Variants in ADAMTS3 observed in about 807,000 individuals in gnomAD.
The protein encoded by ADAMTS3 is ADAM metallopeptidase with thrombospondin type 1 motif 3.
A neutral mutation model predicts 129.0 loss-of-function variants in ADAMTS3; 73 were observed. That is an observed-to-expected ratio of 0.57 (90% CI 0.47 to 0.69). The LOEUF (loss-of-function observed/expected upper bound fraction) is 0.69. ADAMTS3 is among the 30% of genes least tolerant of loss of function. The pLI is 0.00. For synonymous variants in ADAMTS3, 477 were observed against 510.8 expected, an observed-to-expected ratio of 0.93 and a Z score of 0.89; for missense variants, 1,457 against 1,514.5, an observed-to-expected ratio of 0.96 and a Z score of 0.63.
In ADAMTS3 at chr4:72,488,073, C is replaced by T. The variant is rs540994912; in HGVS notation, c.504+60405G>A. Among the ~76,000 whole-genome samples, 16 of 152,144 alleles carry T rather than the reference C, an allele frequency of 1.1e-4. No individual in the cohort carries two copies. The East Asian group carries it at 2.7e-3, about 26-fold the overall frequency. ...TATTATTCAAGCCAGAAAAGTTACA[C>T]AATCAAGTCTTTTTTTATTTTTAAC... On this transcript the variant is annotated intron_variant, in intron 3 of 21. Coordinates refer to ENST00000286657, the MANE Select transcript of ADAMTS3 (RefSeq NM_014243.3).
intron 3 of ADAMTS3, among the ~76,000 whole-genome samples, chr4:72,449,976 TCTC>T (rs567859063): frequency 2.0e-3 from 305 of 151,846 alleles, no homozygotes; most frequent in Non-Finnish European, 3.5e-3. Context: ...CATTAAGACT[TCTC>T]CTAATCCCAC....
chr4:72,455,525 T>C (rs987631121), intron 3 of ADAMTS3, among the ~76,000 whole-genome samples: 13 of 150,414 alleles, frequency 8.6e-5, no homozygotes, highest in Non-Finnish European at 1.5e-5. Flanking sequence ...CTAATGTAGA[T>C]GATGGGTTGA....
At chr4:72,490,980 T>C (rs761279764) in intron 3 of ADAMTS3, among the ~76,000 whole-genome samples, 3 of 151,934 alleles carry the variant, frequency 2.0e-5, no homozygotes, top group Non-Finnish European at 2.9e-5. Flanking sequence ...TTTCCATTTG[T>C]CTTTAATTTC....
chr4:72,384,581 T>C (rs988336043), intron 4 of ADAMTS3, among the ~76,000 whole-genome samples: 1 of 152,146 alleles, frequency 6.6e-6, no homozygotes. Flanking sequence ...TATTGAAAAT[T>C]ACTTTCAAAA....
intron 3 of ADAMTS3, among the ~76,000 whole-genome samples, chr4:72,503,379 A>G (rs1474725219): frequency 6.6e-6 from 1 of 152,216 alleles, no homozygotes; most frequent in African/African-American, 2.4e-5. Context: ...TTCATTCAAA[A>G]GCAAGTTGTT....
intron 12 of ADAMTS3, 40 bp from the exon 13 acceptor site, chr4:72,312,506 T>C: frequency 1.3e-6 from 2 of 1,599,410 alleles, no homozygotes; most frequent in Non-Finnish European, 1.7e-6. Context: ...TTTTGGCTTC[T>C]GTCTAGCAGT....
rs1169890645 is a variant in ADAMTS3, at chr4:72,298,280, C to T, written c.2587G>A (p.Gly863Arg). Residue 863 changes from glycine (G) to arginine (R), a missense_variant, in exon 18 of 22, where the codon GGA becomes AGA. Physicochemically the swap from Gly to Arg is moderately radical, Grantham distance 125 (BLOSUM62 -2). Transcript: ENST00000286657. ...SWSQCSKPCG[G>R]GFQYTKYGCR... ...AATAAATGTGTTCAATGGTTACCTC[C>T]ACCACAGGGTTTGGAACACTGAGAC... The T allele has an allele frequency of 1.2e-6, 2 of 1,611,536 alleles. No homozygotes were observed. The highest frequency in any genetic ancestry group is 1.7e-6 in the Non-Finnish European group (2 of 1,178,516).
At chr4:72,299,022 T>C (rs1332731029) in intron 17 of ADAMTS3, among the ~76,000 whole-genome samples, 1 of 151,304 alleles carries the variant, frequency 6.6e-6, no homozygotes, top group African/African-American at 2.4e-5. Context: ...TCACTTTTAT[T>C]ATTGTGATAG....
chr4:72,342,320 T>C (rs1434915246), intron 4 of ADAMTS3, among the ~76,000 whole-genome samples: 1 of 151,968 alleles, frequency 6.6e-6, no homozygotes. Context: ...TGAACCGCTA[T>C]TGTTCCAGAG....
At chr4:72,425,722 C>T (rs1374802481) in intron 3 of ADAMTS3, among the ~76,000 whole-genome samples, 1 of 151,886 alleles carries the variant, frequency 6.6e-6, no homozygotes, top group African/African-American at 2.4e-5. Flanking sequence ...TTTTCTTAAT[C>T]CAGTCTATCA....
intron 3 of ADAMTS3, among the ~76,000 whole-genome samples, chr4:72,541,282 T>G (rs1408320078): frequency 6.6e-6 from 1 of 152,164 alleles, no homozygotes; most frequent in East Asian, 1.9e-4. Flanking sequence ...AGCCCCTTTG[T>G]TTTGGCCAGT....
At position 72,283,539 on chromosome 4, in the gene ADAMTS3, A is replaced by G; in HGVS notation, c.3215T>C (p.Val1072Ala). 6.2e-7 allele frequency: 1 copy of G among 1,614,092 alleles called. No individual in the cohort carries two copies. Among genetic ancestry groups the G allele is most frequent in the Non-Finnish European group, 8.5e-7 (1 of 1,179,972 alleles). The change falls in exon 22 of 22, where the codon GTC (valine) becomes GCC (alanine). Residue 1072 changes from valine (V) to alanine (A), a missense_variant. Transcript: ENST00000286657. ...AGGGAGGTCACTAGGGTTAGAGATG[A>G]CATCATCATGAGTTTCAGCAGCTTC... Reference protein sequence around the residue: ...LLEAAETHDDVISNPSDLPRS... With the variant: ...LLEAAETHDDAISNPSDLPRS...
intron 3 of ADAMTS3, among the ~76,000 whole-genome samples, chr4:72,497,125 T>G (rs1246081931): frequency 1.3e-5 from 2 of 151,894 alleles, no homozygotes; most frequent in Non-Finnish European, 2.9e-5. Flanking sequence ...AATAGAATAT[T>G]TTTTTCCTAT....
intron 10 of ADAMTS3, among the ~76,000 whole-genome samples, chr4:72,316,194 A>T (rs934676573): frequency 6.6e-6 from 1 of 152,018 alleles, no homozygotes; most frequent in African/African-American, 2.4e-5. Context: ...GATTTGTCTG[A>T]GATTATCTGG....
chr4:72,399,920 G>GTA (rs1721851131), intron 4 of ADAMTS3, among the ~76,000 whole-genome samples: 1 of 24,202 alleles, frequency 4.1e-5, no homozygotes, highest in African/African-American at 2.1e-4. Context: ...CACACGGTGT[G>GTA]TATATACGTG....
At chr4:72,404,226 C>T (rs959186478) in intron 4 of ADAMTS3, among the ~76,000 whole-genome samples, 12 of 151,886 alleles carry the variant, frequency 7.9e-5, no homozygotes, top group African/African-American at 2.9e-4. Flanking sequence ...ATCTTTACAA[C>T]AAAGAACAAA....
intron 3 of ADAMTS3, among the ~76,000 whole-genome samples, chr4:72,516,174 C>A (rs1720470591): frequency 6.6e-6 from 1 of 152,096 alleles, no homozygotes; most frequent in Admixed American, 6.5e-5. Flanking sequence ...TCTGAGGGCT[C>A]TGTTCTGTTC....
chr4:72,552,516 G>A (rs1214688046), intron 2 of ADAMTS3, among the ~76,000 whole-genome samples: 5 of 152,238 alleles, frequency 3.3e-5, no homozygotes, highest in African/African-American at 7.2e-5. Context: ...GCACAATTTC[G>A]AATGTGCTTC....
chr4:72,482,502 T>A (rs1214408941), intron 3 of ADAMTS3, among the ~76,000 whole-genome samples: 1 of 152,060 alleles, frequency 6.6e-6, no homozygotes, highest in Admixed American at 6.5e-5. Flanking sequence ...TTTTCAGAGC[T>A]TAAGGAAGAA....
Sources: allele counts gnomAD v4.1 joint callset (sites outside exome capture counted in the v4.1 genomes callset), GRCh38; gene constraint gnomAD v4.1.1; transcripts MANE v1.5; gene names NCBI Gene and HGNC (gene_info 2026-07-23, HGNC 2026-07-21).